The following TRIM63 variants were observed in gnomAD, a reference collection of about 807,000 sequenced individuals.
TRIM63 encodes E3 ubiquitin-protein ligase TRIM63.
TRIM63 carries 48 observed loss-of-function variants against 46.0 expected under a neutral mutation model. The ratio of observed to expected loss-of-function variants is 1.04; its 90% CI spans 0.83 to 1.33. The LOEUF (loss-of-function observed/expected upper bound fraction) is 1.33. Ranked by LOEUF, TRIM63 falls within the 40% of genes most tolerant of loss-of-function variation. The pLI, the probability that TRIM63 is intolerant of heterozygous loss-of-function variation, is 0.00. For missense variants in TRIM63, 455 were observed against 441.2 expected (o/e 1.03, Z -0.28); for synonymous variants, 175 against 162.8 (o/e 1.08, Z -0.57).
intron 5 of TRIM63, 69 bp downstream of exon 5, chr1:26,058,321 A>G: frequency 1.4e-6 from 2 of 1,385,212 alleles, no homozygotes; most frequent in Non-Finnish European, 2.0e-6. Context: ...GTCAGTGGGG[A>G]AGCATAACTT....
intron 2 of TRIM63, among the ~76,000 whole-genome samples, chr1:26,061,951 G>T (rs537290699): frequency 6.6e-6 from 1 of 152,232 alleles, no homozygotes; most frequent in African/African-American, 2.4e-5. Flanking sequence ...AGAGGAGGTG[G>T]TAATTAAACA....
Position 26,053,891 on chromosome 1 carries a change from A to C in TRIM63, c.1051+2T>G, listed in dbSNP as rs2050545065. ...AGGAATGGAGGTAGATGAATTTCTT[A>C]CCTTCTTCCTTCCCTTCTGTGGACT... On this transcript the variant is annotated splice_donor_variant, in intron 8 of 8. Coordinates refer to ENST00000374272, the MANE Select transcript of TRIM63 (RefSeq NM_032588.4). LOFTEE classifies it high-confidence loss of function. 2 of 1,590,238 alleles carry C rather than the reference A, an allele frequency of 1.3e-6. No individual in the cohort carries two copies. The highest frequency in any genetic ancestry group is 1.8e-5 in the Admixed American group (1 of 54,218).
intron 2 of TRIM63, among the ~76,000 whole-genome samples, chr1:26,061,773 A>G (rs1213359400): frequency 1.3e-5 from 2 of 152,212 alleles, no homozygotes; most frequent in Non-Finnish European, 2.9e-5. Flanking sequence ...TGCTCTAATT[A>G]TAGTCACCTT....
At position 26,057,633 on chromosome 1, in the gene TRIM63, G is replaced by A. The variant is rs756792623; in HGVS notation, c.849C>T (p.Ile283=). The A allele has an allele frequency of 6.2e-7, 1 of 1,610,572 alleles. No individual in the cohort carries two copies. The highest frequency in any genetic ancestry group is 8.5e-7 in the Non-Finnish European group (1 of 1,178,438). Residue 283 remains isoleucine (I), a synonymous_variant, in exon 6 of 9, where the codon ATC becomes ATT. Transcript: ENST00000374272. ...ATFLLTAKQL[I]KSIVEASKGC... ...GCCTCTAGGAAGACACTGACCTTTT[G>A]ATGAGTTGCTTGGCAGTCTGCAGGG...
intron 2 of TRIM63, among the ~76,000 whole-genome samples, chr1:26,065,131 C>T (rs927662350): frequency 6.6e-6 from 1 of 152,102 alleles, no homozygotes; most frequent in South Asian, 2.1e-4. Context: ...TCAAGCAATT[C>T]TCCTGCCTCA....
rs1557572521 is a variant in TRIM63 at position 26,058,384 on chromosome 1, GCT to G, written c.831+4_831+5del. ...ACCCCACCCAGACCCTTCTAGTCCTGCTCACCAAGAGGAAGGTGGCTCCCCCA... is the reference window on the plus strand; with the variant it reads ...ACCCCACCCAGACCCTTCTAGTCCTGCACCAAGAGGAAGGTGGCTCCCCCA... On this transcript the variant is annotated splice_donor_5th_base_variant and intron_variant, in intron 5 of 8. Coordinates refer to ENST00000374272, the MANE Select transcript of TRIM63 (RefSeq NM_032588.4). 6.2e-7 allele frequency: 1 copy of G among 1,613,004 alleles called. No individual in the cohort carries two copies. Among genetic ancestry groups the G allele is most frequent in the East Asian group, 2.2e-5 (1 of 44,880 alleles).
chr1:26,067,402 G>A lies in TRIM63; in HGVS notation c.93C>T (p.Thr31=), dbSNP rs376971954. The part of the protein sequence containing the change: ...LICPICLEMF[T]KPVVILPCQH... Reference sequence around the variant, plus strand: ...GGCACGGCAAGATGACCACTGGCTTGGTAAACATCTCCAGGCAGATAGGGC... The same window carrying A: ...GGCACGGCAAGATGACCACTGGCTTAGTAAACATCTCCAGGCAGATAGGGC... Residue 31 remains threonine (T), a synonymous_variant, in exon 1 of 9, where the codon ACC becomes ACT. Coordinates refer to ENST00000374272, the MANE Select transcript of TRIM63 (RefSeq NM_032588.4). 442 of 1,614,146 alleles carry A rather than the reference G, an allele frequency of 2.7e-4. 4 individuals are homozygous for A. The South Asian group carries it at 4.5e-3, about 16-fold the overall frequency.
In TRIM63 at chr1:26,061,204, C is replaced by T. The variant is rs369979187; in HGVS notation, c.463G>A (p.Glu155Lys). The change falls in exon 3 of 9, where the codon GAG (glutamate) becomes AAG (lysine). Residue 155 changes from glutamate (E) to lysine (K), a missense_variant. Glu to Lys is a moderately conservative substitution (Grantham distance 56, BLOSUM62 1). Coordinates refer to ENST00000374272, the MANE Select transcript of TRIM63 (RefSeq NM_032588.4). ...CKVFGIHKAC[E>K]VAPLQSVFQG... is the part of the protein sequence containing the mutation. ...AAGACACTCTGCAATGGGGCCACCT[C>T]GCAGGCCTTGTGGATCCCAAACACC... 2.0e-5 allele frequency: 33 copies of T among 1,614,152 alleles called. No homozygotes were observed. The highest frequency in any genetic ancestry group is 9.3e-5 in the African/African-American group (7 of 75,044).
intron 2 of TRIM63, among the ~76,000 whole-genome samples, chr1:26,065,934 C>T (rs1569748891): frequency 6.6e-6 from 1 of 152,368 alleles, no homozygotes; most frequent in East Asian, 1.9e-4. Flanking sequence ...GACAACCTGG[C>T]TGTTTCTCAC....
intron 2 of TRIM63, among the ~76,000 whole-genome samples, chr1:26,062,926 T>G (rs2050640215): frequency 6.6e-6 from 1 of 152,090 alleles, no homozygotes; most frequent in Non-Finnish European, 1.5e-5. Flanking sequence ...CAGCTAATTT[T>G]TGTATTTTTT....
chr1:26,064,252 G>A (rs931236768), intron 2 of TRIM63, among the ~76,000 whole-genome samples: 1 of 152,130 alleles, frequency 6.6e-6, no homozygotes, highest in African/African-American at 2.4e-5. Flanking sequence ...CCAACATGGT[G>A]AAACCCTGTC....
At chr1:26,063,777 C>T (rs1290017903) in intron 2 of TRIM63, among the ~76,000 whole-genome samples, 1 of 152,206 alleles carries the variant, frequency 6.6e-6, no homozygotes. Flanking sequence ...ATGTAGAGTG[C>T]CCGGCACAGA....
chr1:26,056,087 C>T (rs2997448), intron 7 of TRIM63, among the ~76,000 whole-genome samples: 4,751 of 152,254 alleles, frequency 0.031, 246 homozygotes, highest in African/African-American at 0.11. Context: ...CCCCCAACCT[C>T]AGCTGGTCAT....
chr1:26,053,821 A>G (rs2050543727), intron 8 of TRIM63, 72 bp downstream of exon 8: 1 of 1,182,254 alleles, frequency 8.5e-7, no homozygotes, highest in Non-Finnish European at 1.2e-6. Flanking sequence ...AGTGCTTCAC[A>G]TACAGTAGGC....
At chr1:26,053,797 C>G (rs933181893) in intron 8 of TRIM63, 96 bp downstream of exon 8, 6 of 932,348 alleles carry the variant, frequency 6.4e-6, no homozygotes, top group South Asian at 1.5e-5. Flanking sequence ...AGCGTCATTG[C>G]CAATGTCTAA....
intron 2 of TRIM63, among the ~76,000 whole-genome samples, chr1:26,063,991 G>T (rs972708456): frequency 5.9e-5 from 9 of 152,220 alleles, no homozygotes; most frequent in African/African-American, 2.2e-4. Context: ...ATCTAGCTCA[G>T]CAATTAAGAA....
At chr1:26,056,716 C>G (rs899475052) in intron 7 of TRIM63, among the ~76,000 whole-genome samples, 1 of 151,920 alleles carries the variant, frequency 6.6e-6, no homozygotes, top group Non-Finnish European at 1.5e-5. Context: ...GCACCAGGCA[C>G]TGTGCTAGGC....
intron 7 of TRIM63, among the ~76,000 whole-genome samples, chr1:26,055,149 C>T (rs982896443): frequency 6.6e-6 from 1 of 152,088 alleles, no homozygotes; most frequent in Admixed American, 6.6e-5. Context: ...GAATCTGCAT[C>T]GTCTTATAAA....
chr1:26,057,727 G>C, intron 5 of TRIM63, 77 bp from the exon 6 acceptor site: 1 of 1,448,600 alleles, frequency 6.9e-7, no homozygotes, highest in Non-Finnish European at 9.4e-7. Context: ...TAGTGAACTA[G>C]GTGTTGTAGG....
Sources: gnomAD v4.1 joint callset for allele counts (sites outside exome capture counted in the v4.1 genomes callset) on GRCh38, gnomAD v4.1.1 for gene constraint, MANE v1.5 for transcripts, NCBI Gene and HGNC (gene_info 2026-07-23, HGNC 2026-07-21) for gene names.